TNFRSF19: variants seen among roughly 807,000 people sequenced by gnomAD.
TNFRSF19 encodes TNF receptor superfamily member 19, also known as tumor necrosis factor receptor superfamily member 19.
Under a neutral mutation model 46.4 loss-of-function variants are expected in TNFRSF19, and 27 were observed. The observed-to-expected ratio is 0.58, with a 90% CI of 0.43 to 0.80. The LOEUF is 0.80. TNFRSF19 is among the 30% of genes least tolerant of loss of function. TNFRSF19 has a pLI of 0.00. For missense variants in TNFRSF19, 511 were observed against 530.8 expected (o/e 0.96, Z 0.37); for synonymous variants, 204 against 205.0 (o/e 1.00, Z 0.04).
intron 5 of TNFRSF19, among the ~76,000 whole-genome samples, chr13:23,651,136 A>G (rs1484010443): frequency 6.6e-6 from 1 of 152,236 alleles, no homozygotes; most frequent in African/African-American, 2.4e-5. Context: ...AAAGAGCATG[A>G]CTAGAAATAG....
intron 5 of TNFRSF19, among the ~76,000 whole-genome samples, chr13:23,649,622 G>A (rs1883524609): frequency 6.6e-6 from 1 of 150,798 alleles, no homozygotes; most frequent in South Asian, 2.1e-4. Flanking sequence ...TTCCCATAAT[G>A]TTTTAAAGTG....
At chr13:23,639,029 ATTAAT>A (rs1367883078) in intron 5 of TNFRSF19, among the ~76,000 whole-genome samples, 6 of 152,210 alleles carry the variant, frequency 3.9e-5, no homozygotes, top group African/African-American at 1.2e-4. Context: ...CAACTCAACA[ATTAAT>A]TTTTATTTTC....
chr13:23,616,743 C>T (rs1190192084), intron 4 of TNFRSF19, among the ~76,000 whole-genome samples: 4 of 152,048 alleles, frequency 2.6e-5, no homozygotes, highest in Admixed American at 1.3e-4. Flanking sequence ...CCACCACGCC[C>T]GGCTAATTTT....
rs76829361 is a variant in TNFRSF19 at position 23,628,519 on chromosome 13, G to C, written c.445+1727G>C. ...GCTGCACAGAGATTCCGTGAAGTCA[G>C]TATTACCACTTTAGAGTCAGAAAGT... On this transcript the variant is annotated intron_variant, in intron 5 of 9. Transcript: ENST00000248484. 9.7e-3 allele frequency among the ~76,000 whole-genome samples: 1,484 copies of C among 152,280 alleles called. 14 individuals are homozygous for C. The highest frequency in any genetic ancestry group is 0.015 in the Non-Finnish European group (1,037 of 68,014).
intron 5 of TNFRSF19, among the ~76,000 whole-genome samples, chr13:23,629,406 T>C (rs944860519): frequency 1.9e-4 from 29 of 152,278 alleles, no homozygotes; most frequent in Middle Eastern, 3.4e-3. Flanking sequence ...TGTCCTAACC[T>C]AATGGGTCTC....
chr13:23,655,219 C>T (rs927344517), intron 5 of TNFRSF19, among the ~76,000 whole-genome samples: 4 of 152,094 alleles, frequency 2.6e-5, no homozygotes, highest in Non-Finnish European at 4.4e-5. Flanking sequence ...ATGTCGTACT[C>T]GTAATAGACA....
intron 1 of TNFRSF19, among the ~76,000 whole-genome samples, chr13:23,579,885 C>G (rs1878275122): frequency 6.6e-6 from 1 of 151,494 alleles, no homozygotes; most frequent in Admixed American, 6.6e-5. Context: ...AAGCCCGACC[C>G]GGCCCCGGCG....
At chr13:23,581,015 G>A (rs1351314169) in intron 1 of TNFRSF19, among the ~76,000 whole-genome samples, 2 of 152,172 alleles carry the variant, frequency 1.3e-5, no homozygotes, top group Admixed American at 6.5e-5. Flanking sequence ...TTCTTTGGCC[G>A]GAGTGTGTCT....
chr13:23,626,908 G>A, intron 5 of TNFRSF19, 116 bp downstream of exon 5: 2 of 894,980 alleles, frequency 2.2e-6, no homozygotes, highest in Non-Finnish European at 3.4e-6. Flanking sequence ...CCTGTGGGGT[G>A]TACAGTGTGT....
intron 3 of TNFRSF19, among the ~76,000 whole-genome samples, chr13:23,600,613 C>G (rs1218741071): frequency 6.6e-6 from 1 of 152,160 alleles, no homozygotes; most frequent in Non-Finnish European, 1.5e-5. Context: ...TTTTTCTTAA[C>G]AAGGACTGCC....
chr13:23,595,068 A>G (rs545860155), intron 3 of TNFRSF19, among the ~76,000 whole-genome samples: 4 of 152,256 alleles, frequency 2.6e-5, no homozygotes, highest in South Asian at 2.1e-4. Flanking sequence ...AATAGCATCA[A>G]CAAAAAGGGC....
chr13:23,618,048 G>T (rs369856210), intron 4 of TNFRSF19, among the ~76,000 whole-genome samples: 1 of 152,164 alleles, frequency 6.6e-6, no homozygotes, highest in African/African-American at 2.4e-5. Context: ...GGTCCCACGT[G>T]GTCATATACA....
At chr13:23,572,421 T>TA (rs1877690347) in intron 1 of TNFRSF19, among the ~76,000 whole-genome samples, 1 of 152,188 alleles carries the variant, frequency 6.6e-6, no homozygotes, top group South Asian at 2.1e-4. Context: ...ATTAGCCTTT[T>TA]AAAACAATGA....
At chr13:23,584,221 C>T (rs1395199872) in intron 1 of TNFRSF19, among the ~76,000 whole-genome samples, 1 of 152,066 alleles carries the variant, frequency 6.6e-6, no homozygotes, top group Non-Finnish European at 1.5e-5. Context: ...TTATCCCTCA[C>T]CCCCTTCCAC....
At position 23,675,039 on chromosome 13, in the gene TNFRSF19, T is replaced by C. The variant is rs571363099; in HGVS notation, c.*1659T>C. On this transcript the variant is annotated 3_prime_UTR_variant, in exon 10 of 10. Transcript: ENST00000248484. ...GCCCCAAGCGGTCATGTCAACCTAG[T>C]GCCTAGTCATAATTAATTGACTTTT... 2 of 152,334 alleles carry C rather than the reference T, an allele frequency of 1.3e-5. No homozygotes were observed. Among genetic ancestry groups the C allele is most frequent in the South Asian group, 4.1e-4 (2 of 4,828 alleles). 9.4% of individuals were successfully genotyped at this position (152,334 alleles called of 1,614,324 possible). A position where few individuals can be genotyped will look rare whatever the true frequency, so the allele number is the denominator to read the frequency against.
chr13:23,619,260 G>A (rs1181079271), intron 4 of TNFRSF19, among the ~76,000 whole-genome samples: 1 of 152,170 alleles, frequency 6.6e-6, no homozygotes, highest in Non-Finnish European at 1.5e-5. Flanking sequence ...ATTATGCCAA[G>A]TGAAATAAGC....
chr13:23,653,071 T>C (rs1218280563), intron 5 of TNFRSF19, among the ~76,000 whole-genome samples: 2 of 152,196 alleles, frequency 1.3e-5, no homozygotes, highest in Non-Finnish European at 1.5e-5. Context: ...CGTCAGGATG[T>C]CTCAGAGCCC....
intron 1 of TNFRSF19, among the ~76,000 whole-genome samples, chr13:23,577,302 G>T (rs956867400): frequency 6.6e-6 from 1 of 152,208 alleles, no homozygotes; most frequent in Non-Finnish European, 1.5e-5. Flanking sequence ...ACTGAGTAAT[G>T]TGTTACTACT....
chr13:23,670,473 A>ATT (rs987083599), intron 9 of TNFRSF19, among the ~76,000 whole-genome samples: 1 of 152,232 alleles, frequency 6.6e-6, no homozygotes, highest in Non-Finnish European at 1.5e-5. Context: ...GGAAAAACAA[A>ATT]TTAGGCAGTT....
Sources: allele counts gnomAD v4.1 joint callset (sites outside exome capture counted in the v4.1 genomes callset), GRCh38; gene constraint gnomAD v4.1.1; transcripts MANE v1.5; gene names NCBI Gene and HGNC (gene_info 2026-07-23, HGNC 2026-07-21).